Variants in RBFOX1 observed in about 807,000 individuals in gnomAD.
RBFOX1 encodes RNA binding fox-1 homolog 1, also known as RNA binding protein fox-1 homolog 1.
Under a neutral mutation model 57.7 loss-of-function variants are expected in RBFOX1, and 8 were observed. The observed-to-expected ratio is 0.14, with a 90% confidence interval of 0.08 to 0.25. RBFOX1 has a LOEUF of 0.25. Ranked by LOEUF, RBFOX1 falls within the 10% of genes least tolerant of loss-of-function variation. The probability of loss-of-function intolerance (pLI) is 1.00; values close to 1 mark genes in which losing one functional copy is unlikely to be tolerated. For missense variants in RBFOX1, 611 were observed against 548.5 expected, an observed-to-expected ratio of 1.11 and a Z score of -1.14; for synonymous variants, 326 against 222.4, an observed-to-expected ratio of 1.47 and a Z score of -4.15.
intron 1 of RBFOX1, among the ~76,000 whole-genome samples, chr16:6,235,324 G>C (rs1023922742): frequency 6.6e-6 from 1 of 152,060 alleles, no homozygotes; most frequent in Non-Finnish European, 1.5e-5. Context: ...CTATTCAGCA[G>C]CATAAAAAGT....
chr16:6,039,159 G>A (rs988473109), intron 1 of RBFOX1, among the ~76,000 whole-genome samples: 3 of 151,936 alleles, frequency 2.0e-5, no homozygotes, highest in African/African-American at 4.8e-5. Flanking sequence ...CAGCTGGGAT[G>A]CATGAGAGGG....
intron 4 of RBFOX1, among the ~76,000 whole-genome samples, chr16:7,330,454 C>G (rs1346410124): frequency 7.6e-6 from 1 of 131,632 alleles, no homozygotes. Context: ...GATGTGGAAC[C>G]CCAGAATATG....
chr16:7,167,593 G>A (rs2079829356), intron 4 of RBFOX1, among the ~76,000 whole-genome samples: 1 of 152,136 alleles, frequency 6.6e-6, no homozygotes. Context: ...CTCCAGAACT[G>A]ACAGAGAATA....
At chr16:6,588,863 C>G (rs1490257204) in intron 2 of RBFOX1, among the ~76,000 whole-genome samples, 1 of 152,156 alleles carries the variant, frequency 6.6e-6, no homozygotes, top group South Asian at 2.1e-4. Flanking sequence ...GCTGGAGGTC[C>G]TTGATGTCAC....
At chr16:6,467,216 TATA>T (rs1297265494) in intron 2 of RBFOX1, among the ~76,000 whole-genome samples, 2 of 151,310 alleles carry the variant, frequency 1.3e-5, no homozygotes, top group Non-Finnish European at 2.9e-5. Context: ...GTTAATGTAA[TATA>T]ATAAAGTTTT....
Position 6,709,844 on chromosome 16 carries a change from C to T in RBFOX1, c.-16+55194C>T, listed in dbSNP as rs2063414180. ...GGCCAGATCAGAACGCTGGCTGGTACACAACCGGAAGGTATGGGGAGGCTG... is the reference window on the plus strand; with the variant it reads ...GGCCAGATCAGAACGCTGGCTGGTATACAACCGGAAGGTATGGGGAGGCTG... On this transcript the variant is annotated intron_variant, in intron 3 of 15. Transcript: ENST00000550418. Among the ~76,000 whole-genome samples the T allele has an allele frequency of 2.6e-5, 4 of 152,112 alleles. No individual in the cohort carries two copies. In the South Asian group the frequency reaches 8.3e-4, roughly 32 times the overall value.
chr16:7,313,928 G>A (rs527906815), intron 4 of RBFOX1, among the ~76,000 whole-genome samples: 70 of 152,290 alleles, frequency 4.6e-4, no homozygotes, highest in African/African-American at 1.5e-3. Context: ...AGGTTCCTGC[G>A]TTGGAAGAAT....
At chr16:6,146,533 C>G (rs545405686) in intron 1 of RBFOX1, among the ~76,000 whole-genome samples, 3 of 152,260 alleles carry the variant, frequency 2.0e-5, no homozygotes, top group African/African-American at 4.8e-5. Flanking sequence ...CTGAGAACCC[C>G]TCCTCTGGAT....
At chr16:6,218,985 C>T (rs913526238) in intron 1 of RBFOX1, among the ~76,000 whole-genome samples, 14 of 152,100 alleles carry the variant, frequency 9.2e-5, no homozygotes, top group African/African-American at 2.9e-4. Flanking sequence ...GCACGTATGT[C>T]AAAATGTAGG....
At chr16:7,199,050 G>T (rs778038030) in intron 4 of RBFOX1, among the ~76,000 whole-genome samples, 1 of 152,142 alleles carries the variant, frequency 6.6e-6, no homozygotes, top group Non-Finnish European at 1.5e-5. Context: ...AAGGGACAAG[G>T]GAAGTAAGAA....
chr16:5,987,875 T>A (rs1004667195), intron 4 of RBFOX1, among the ~76,000 whole-genome samples: 22 of 152,228 alleles, frequency 1.4e-4, no homozygotes, highest in African/African-American at 5.3e-4. Context: ...CAATAGCATT[T>A]TATATAATCC....
At chr16:6,589,066 A>T (rs149026967) in intron 2 of RBFOX1, among the ~76,000 whole-genome samples, 2 of 151,396 alleles carry the variant, frequency 1.3e-5, no homozygotes, top group African/African-American at 4.8e-5. Context: ...TAGTAGTGAC[A>T]TGATGCTTTT....
intron 4 of RBFOX1, among the ~76,000 whole-genome samples, chr16:7,355,351 C>A (rs2097196495): frequency 1.3e-5 from 2 of 152,174 alleles, no homozygotes; most frequent in Non-Finnish European, 2.9e-5. Flanking sequence ...AGGACAGTTT[C>A]AAGAAATAAG....
chr16:6,582,267 T>G (rs1894859), intron 2 of RBFOX1, among the ~76,000 whole-genome samples: 1 of 151,996 alleles, frequency 6.6e-6, no homozygotes, highest in Non-Finnish European at 1.5e-5. Flanking sequence ...TGATTAGCTA[T>G]TATTTCTCAG....
chr16:7,145,425 T>G (rs2074754033), intron 4 of RBFOX1, among the ~76,000 whole-genome samples: 3 of 152,182 alleles, frequency 2.0e-5, no homozygotes, highest in Admixed American at 2.0e-4. Context: ...CAGTCTGGTC[T>G]TGAACTCCTG....
intron 2 of RBFOX1, among the ~76,000 whole-genome samples, chr16:6,550,315 T>G (rs763888562): frequency 2.0e-5 from 3 of 152,162 alleles, no homozygotes; most frequent in Non-Finnish European, 4.4e-5. Flanking sequence ...CAGCTGGGTC[T>G]ACAGGTGTGT....
intron 3 of RBFOX1, among the ~76,000 whole-genome samples, chr16:5,639,234 G>A (rs983730402): frequency 2.6e-5 from 4 of 152,312 alleles, no homozygotes; most frequent in African/African-American, 9.6e-5. Context: ...ATCTATGTAC[G>A]TAAGGGAATG....
chr16:6,807,473 G>A (rs185792255), intron 3 of RBFOX1, among the ~76,000 whole-genome samples: 186 of 152,186 alleles, frequency 1.2e-3, no homozygotes, highest in African/African-American at 4.3e-3. Flanking sequence ...CAGGGCTGGG[G>A]TCCTGAGTTC....
rs142449849 is a variant in RBFOX1 at position 7,309,703 on chromosome 16, G to A, written c.28-208444G>A. 9.9e-5 allele frequency among the ~76,000 whole-genome samples: 15 copies of A among 152,226 alleles called. No individual in the cohort carries two copies. In the East Asian group the frequency reaches 1.5e-3, roughly 16 times the overall value. Reference sequence around the variant, plus strand: ...TAATGCTTGTTTATTCATATTGGCCGGGTGAAAACAGTGTAGTTTGTCAGG... The same window carrying A: ...TAATGCTTGTTTATTCATATTGGCCAGGTGAAAACAGTGTAGTTTGTCAGG... On this transcript the variant is annotated intron_variant, in intron 4 of 15. Transcript: ENST00000550418.
Sources: allele counts gnomAD v4.1 joint callset (sites outside exome capture counted in the v4.1 genomes callset), GRCh38; gene constraint gnomAD v4.1.1; transcripts MANE v1.5; gene names NCBI Gene and HGNC (gene_info 2026-07-23, HGNC 2026-07-21).